The following POLR3B variants were observed in gnomAD, a reference collection of about 807,000 sequenced individuals.
POLR3B encodes the protein RNA polymerase III subunit B.
In POLR3B, 96 loss-of-function variants were observed where a neutral mutation model predicts 147.4. That is an observed-to-expected ratio of 0.65 (90% CI 0.55 to 0.77). The LOEUF (loss-of-function observed/expected upper bound fraction) is 0.77. Among genes scored for constraint, POLR3B ranks in the 30% least tolerant of loss-of-function variants. The pLI, the probability that POLR3B is intolerant of heterozygous loss-of-function variation, is 0.00. For missense variants in POLR3B, 1,036 were observed against 1,413.5 expected (o/e 0.73, Z 4.28); for synonymous variants, 461 against 485.9 (o/e 0.95, Z 0.67).
At chr12:106,382,639 A>G (rs1323372664) in intron 9 of POLR3B, among the ~76,000 whole-genome samples, 1 of 152,216 alleles carries the variant, frequency 6.6e-6, no homozygotes, top group Non-Finnish European at 1.5e-5. Context: ...ATGTTTTTAA[A>G]GGATCTTTTT....
chr12:106,469,755 T>C (rs1417083693), intron 23 of POLR3B, among the ~76,000 whole-genome samples: 3 of 152,230 alleles, frequency 2.0e-5, no homozygotes, highest in African/African-American at 7.2e-5. Context: ...AATTCTTTTC[T>C]TTAAGAATGT....
chr12:106,424,882 A>G (rs1310477693), intron 12 of POLR3B, among the ~76,000 whole-genome samples: 1 of 152,158 alleles, frequency 6.6e-6, no homozygotes, highest in Non-Finnish European at 1.5e-5. Context: ...CAATCCATGA[A>G]CATATCATCT....
chr12:106,409,609 C>T (rs2037197039), intron 11 of POLR3B, among the ~76,000 whole-genome samples: 1 of 150,640 alleles, frequency 6.6e-6, no homozygotes, highest in African/African-American at 2.4e-5. Flanking sequence ...ATTCTAACAT[C>T]CTACATTATT....
At chr12:106,432,565 C>A in intron 15 of POLR3B, 85 bp downstream of exon 15, 1 of 1,115,592 alleles carries the variant, frequency 9.0e-7, no homozygotes, top group Non-Finnish European at 1.4e-6. Flanking sequence ...ATTTAAAGCA[C>A]AGATAGACTT....
chr12:106,490,685 G>A (rs1468931786), intron 23 of POLR3B, among the ~76,000 whole-genome samples: 1 of 152,086 alleles, frequency 6.6e-6, no homozygotes, highest in Non-Finnish European at 1.5e-5. Context: ...AGGTTAATTC[G>A]ATAGCTGGAA....
At chr12:106,365,829 A>C (rs1189695281) in intron 2 of POLR3B, among the ~76,000 whole-genome samples, 2 of 151,702 alleles carry the variant, frequency 1.3e-5, no homozygotes, top group Non-Finnish European at 2.9e-5. Flanking sequence ...ACTGTACTCC[A>C]GCCTGGGCAA....
chr12:106,367,281 A>G (rs949731561), intron 4 of POLR3B, among the ~76,000 whole-genome samples: 3 of 152,216 alleles, frequency 2.0e-5, no homozygotes, highest in African/African-American at 7.2e-5. Context: ...AAAATTGCAA[A>G]AGTAGTACAA....
At chr12:106,398,336 A>C (rs980654441) in intron 10 of POLR3B, among the ~76,000 whole-genome samples, 15 of 152,188 alleles carry the variant, frequency 9.9e-5, no homozygotes, top group Non-Finnish European at 1.9e-4. Context: ...GCGGCTGGGA[A>C]GCTCGAACTG....
chr12:106,360,871 C>T (rs1450616611), intron 1 of POLR3B, among the ~76,000 whole-genome samples: 1 of 152,170 alleles, frequency 6.6e-6, no homozygotes, highest in East Asian at 1.9e-4. Context: ...AGTGGAATAA[C>T]ATGCAATAGG....
At chr12:106,417,141 AC>A (rs2037315159) in intron 12 of POLR3B, among the ~76,000 whole-genome samples, 1 of 152,206 alleles carries the variant, frequency 6.6e-6, no homozygotes, top group Non-Finnish European at 1.5e-5. Context: ...GAGGAAAGGA[AC>A]CATTTATATT....
intron 18 of POLR3B, among the ~76,000 whole-genome samples, chr12:106,440,591 A>G (rs1173920921): frequency 1.3e-5 from 2 of 151,458 alleles, no homozygotes; most frequent in African/African-American, 2.4e-5. Flanking sequence ...TGCCTGGAGC[A>G]CTCTCTCACA....
In POLR3B at chr12:106,504,484, C is replaced by T. The variant is rs915475796; in HGVS notation, c.3272+230C>T. 2.0e-5 allele frequency among the ~76,000 whole-genome samples: 3 copies of T among 152,120 alleles called. No homozygotes were observed. Among genetic ancestry groups the T allele is most frequent in the Non-Finnish European group, 2.9e-5 (2 of 68,018 alleles). The stretch of plus-strand genomic sequence containing the variant: ...CTAGAGGCTAAGCTCCCAAGGAGTA[C>T]AAACTTTACCTCCTTTTAAATATTC... On this transcript the variant is annotated intron_variant, in intron 27 of 27. Transcript: ENST00000228347. The surrounding 1 kb of genome is among the most constrained non-coding windows in gnomAD (Gnocchi z 4.6).
At chr12:106,388,421 G>A (rs761769347) in intron 9 of POLR3B, among the ~76,000 whole-genome samples, 6 of 151,988 alleles carry the variant, frequency 3.9e-5, no homozygotes, top group African/African-American at 1.2e-4. Context: ...TGGTTCAAGC[G>A]ATTCTTCTGC....
intron 10 of POLR3B, among the ~76,000 whole-genome samples, chr12:106,401,944 G>A (rs1287544936): frequency 6.6e-6 from 1 of 152,210 alleles, no homozygotes; most frequent in African/African-American, 2.4e-5. Context: ...TCAACATAGT[G>A]TTGGAAGTTC....
chr12:106,378,470 G>C, intron 8 of POLR3B, 86 bp downstream of exon 8: 1 of 754,110 alleles, frequency 1.3e-6, no homozygotes, highest in Non-Finnish European at 2.3e-6. Flanking sequence ...GAGGGAGCCA[G>C]TTATTACCCT....
intron 26 of POLR3B, among the ~76,000 whole-genome samples, chr12:106,503,801 A>G (rs2038641729): frequency 1.3e-5 from 2 of 152,228 alleles, no homozygotes; most frequent in Non-Finnish European, 2.9e-5. Flanking sequence ...TTATATATTA[A>G]TATGTTATTA....
intron 23 of POLR3B, among the ~76,000 whole-genome samples, chr12:106,471,435 A>T (rs10778480): frequency 6.6e-6 from 1 of 151,994 alleles, no homozygotes; most frequent in African/African-American, 2.4e-5. Flanking sequence ...TGAGGTGACA[A>T]CCTGCCCTGC....
chr12:106,488,935 T>C (rs532519171), intron 23 of POLR3B, among the ~76,000 whole-genome samples: 204 of 152,306 alleles, frequency 1.3e-3, no homozygotes, highest in African/African-American at 4.7e-3. Flanking sequence ...CAAATTATTA[T>C]ATTTCCAGAT....
chr12:106,394,620 A>C lies in POLR3B; in HGVS notation c.846+1467A>C, dbSNP rs1294736813. Among the ~76,000 whole-genome samples, 2 of 152,212 alleles carry C rather than the reference A, an allele frequency of 1.3e-5. 1 individual carries two copies. Among genetic ancestry groups the C allele is most frequent in the African/African-American group, 4.8e-5 (2 of 41,460 alleles). On this transcript the variant is annotated intron_variant, in intron 10 of 27. Transcript: ENST00000228347. The stretch of plus-strand genomic sequence containing the variant: ...ATCATCATTGGGGTCAAATAACCCT[A>C]GCATTGTAAAGCTGTTTGAGCAGAG...
Sources: allele counts gnomAD v4.1 joint callset (sites outside exome capture counted in the v4.1 genomes callset), GRCh38; gene constraint gnomAD v4.1.1; non-coding constraint Gnocchi (gnomAD v3.1); transcripts MANE v1.5; gene names NCBI Gene and HGNC (gene_info 2026-07-23, HGNC 2026-07-21).